The following CACNB2 variants were observed in gnomAD, a reference collection of about 807,000 sequenced individuals.
The protein encoded by CACNB2 is voltage-dependent L-type calcium channel subunit beta-2.
CACNB2 carries 42 observed loss-of-function variants against 73.3 expected under a neutral mutation model. The ratio of observed to expected loss-of-function variants is 0.57; its 90% CI spans 0.45 to 0.74. The LOEUF (loss-of-function observed/expected upper bound fraction) is 0.74, where lower values mean the gene tolerates loss of function less well. Ranked by LOEUF, CACNB2 falls within the 30% of genes least tolerant of loss-of-function variation. CACNB2 has a pLI of 0.00. For missense variants in CACNB2, 940 were observed against 853.0 expected, an observed-to-expected ratio of 1.10 and a Z score of -1.27; for synonymous variants, 348 against 310.3, an observed-to-expected ratio of 1.12 and a Z score of -1.28.
chr10:18,208,254 C>T (rs2035176317), intron 2 of CACNB2, among the ~76,000 whole-genome samples: 1 of 152,126 alleles, frequency 6.6e-6, no homozygotes, highest in African/African-American at 2.4e-5. Flanking sequence ...ATGACTTGAG[C>T]TCAGGAGTTC....
intron 9 of CACNB2, among the ~76,000 whole-genome samples, chr10:18,525,842 A>G (rs1036076708): frequency 1.3e-5 from 2 of 151,964 alleles, no homozygotes; most frequent in African/African-American, 4.8e-5. Flanking sequence ...CATTTCTTTT[A>G]ACCTTTCTTT....
intron 2 of CACNB2, among the ~76,000 whole-genome samples, chr10:18,226,931 G>T (rs1287828915): frequency 6.6e-6 from 1 of 152,100 alleles, no homozygotes; most frequent in East Asian, 1.9e-4. Context: ...TGGAAAAAAA[G>T]TGGGGGAGGA....
chr10:18,427,664 AC>A (rs1428236701), intron 3 of CACNB2, among the ~76,000 whole-genome samples: 3 of 150,206 alleles, frequency 2.0e-5, no homozygotes, highest in Admixed American at 6.6e-5. Flanking sequence ...CTTTAACAGA[AC>A]CCTTTAGGGT....
At chr10:18,296,724 A>G (rs1282090588) in intron 2 of CACNB2, among the ~76,000 whole-genome samples, 1 of 152,220 alleles carries the variant, frequency 6.6e-6, no homozygotes, top group Non-Finnish European at 1.5e-5. Flanking sequence ...ATCAGTTCCT[A>G]TCTCAAAACT....
intron 5 of CACNB2, 22 bp downstream of exon 5, chr10:18,500,970 T>TC: frequency 6.2e-7 from 1 of 1,611,986 alleles, no homozygotes; most frequent in Non-Finnish European, 8.5e-7. Context: ...ATGTCAAGTG[T>TC]TTGCATAAAA....
At chr10:18,356,738 C>T (rs911643940) in intron 2 of CACNB2, among the ~76,000 whole-genome samples, 7 of 151,902 alleles carry the variant, frequency 4.6e-5, no homozygotes, top group African/African-American at 1.5e-4. Flanking sequence ...TCAAGCAATC[C>T]TCCCATCTCA....
chr10:18,379,962 C>T (rs2042947827), intron 2 of CACNB2, among the ~76,000 whole-genome samples: 1 of 152,182 alleles, frequency 6.6e-6, no homozygotes, highest in Admixed American at 6.5e-5. Flanking sequence ...GCTGGGATTA[C>T]AGCTATGAGC....
At chr10:18,362,419 C>A (rs10764443) in intron 2 of CACNB2, among the ~76,000 whole-genome samples, 1 of 151,886 alleles carries the variant, frequency 6.6e-6, no homozygotes, top group Non-Finnish European at 1.5e-5. Flanking sequence ...TTTTCTAATT[C>A]TTTACATTGT....
chr10:18,521,647 G>A (rs965984133), intron 9 of CACNB2, among the ~76,000 whole-genome samples: 1 of 152,166 alleles, frequency 6.6e-6, no homozygotes, highest in Non-Finnish European at 1.5e-5. Context: ...CTATTGAAAG[G>A]CAGTCTTGAA....
intron 2 of CACNB2, among the ~76,000 whole-genome samples, chr10:18,352,786 T>A (rs929799064): frequency 3.9e-5 from 6 of 152,234 alleles, no homozygotes; most frequent in Non-Finnish European, 8.8e-5. Context: ...TAGCACAATT[T>A]GGAATTATTA....
intron 2 of CACNB2, among the ~76,000 whole-genome samples, chr10:18,351,932 T>C (rs910942869): frequency 4.6e-5 from 7 of 152,134 alleles, no homozygotes; most frequent in African/African-American, 7.2e-5. Context: ...AAAACACATA[T>C]ATAGACATAG....
At chr10:18,490,714 A>G (rs773164440) in intron 3 of CACNB2, among the ~76,000 whole-genome samples, 2 of 152,200 alleles carry the variant, frequency 1.3e-5, no homozygotes, top group Admixed American at 6.5e-5. Flanking sequence ...GAATTCCGCA[A>G]CAGCCATCCC....
intron 3 of CACNB2, among the ~76,000 whole-genome samples, chr10:18,439,873 C>T (rs1450430104): frequency 2.6e-5 from 4 of 152,086 alleles, no homozygotes; most frequent in East Asian, 1.9e-4. Flanking sequence ...AAGCCCCTGC[C>T]GTCAGTAGGA....
rs1452166999 is a variant in CACNB2, at chr10:18,174,277, T to C, written c.213+23302T>C. On this transcript the variant is annotated intron_variant, in intron 2 of 13. Coordinates refer to ENST00000324631, the MANE Select transcript of CACNB2 (RefSeq NM_201596.3). Reference sequence around the variant, plus strand: ...TCCCTTCCCTCCCTCCCTCTCCCTCTCTCTCTTTCTCTCTTTTCCTTCCTT... The same window carrying C: ...TCCCTTCCCTCCCTCCCTCTCCCTCCCTCTCTTTCTCTCTTTTCCTTCCTT... Among the ~76,000 whole-genome samples the C allele has an allele frequency of 3.5e-5, 4 of 113,534 alleles. No homozygotes were observed. In the East Asian group the frequency reaches 1.2e-3, roughly 33 times the overall value. 74.5% of individuals were successfully genotyped at this position (113,534 alleles called of 152,430 possible).
rs11412050 is a variant in CACNB2 at position 18,443,716 on chromosome 10, CT to C, written c.333+41690del. 3.3e-3 allele frequency among the ~76,000 whole-genome samples: 447 copies of C among 135,730 alleles called. 3 individuals are homozygous for C. Among genetic ancestry groups the C allele is most frequent in the South Asian group, 4.6e-3 (19 of 4,136 alleles). 89.0% of individuals were successfully genotyped at this position (135,730 alleles called of 152,430 possible). On this transcript the variant is annotated intron_variant, in intron 3 of 13. Coordinates refer to ENST00000324631, the MANE Select transcript of CACNB2 (RefSeq NM_201596.3). ...ACCAGATGATTCAATTCCTACATAC[CT>C]TTTTTTTTTTTTTTTTAAACAGAGT...
intron 3 of CACNB2, among the ~76,000 whole-genome samples, chr10:18,457,055 C>T (rs937931533): frequency 6.6e-6 from 1 of 151,794 alleles, no homozygotes; most frequent in East Asian, 1.9e-4. Context: ...AGTAATGATG[C>T]TATGAGCATG....
intron 1 of CACNB2, among the ~76,000 whole-genome samples, chr10:18,142,838 T>C (rs1041684382): frequency 3.9e-5 from 6 of 152,224 alleles, no homozygotes; most frequent in African/African-American, 1.4e-4. Context: ...TTAGGATATA[T>C]GTATAGGGGC....
At chr10:18,410,079 G>A (rs528365921) in intron 3 of CACNB2, among the ~76,000 whole-genome samples, 1 of 152,224 alleles carries the variant, frequency 6.6e-6, no homozygotes, top group South Asian at 2.1e-4. Context: ...AGAGGTGCCT[G>A]TTACCTCCAG....
intron 2 of CACNB2, among the ~76,000 whole-genome samples, chr10:18,159,107 G>A (rs1439379403): frequency 2.0e-5 from 3 of 151,358 alleles, no homozygotes; most frequent in African/African-American, 7.3e-5. Context: ...TGTTCTCCTT[G>A]GCTACATTTA....
Sources: gnomAD v4.1 joint callset for allele counts (sites outside exome capture counted in the v4.1 genomes callset) on GRCh38, gnomAD v4.1.1 for gene constraint, MANE v1.5 for transcripts, NCBI Gene and HGNC (gene_info 2026-07-23, HGNC 2026-07-21) for gene names.